Variants in PTPRD observed in about 807,000 individuals in gnomAD.
The protein encoded by PTPRD is protein tyrosine phosphatase receptor type D.
PTPRD carries 34 observed loss-of-function variants against 214.5 expected under a neutral mutation model. The ratio of observed to expected loss-of-function variants is 0.16; its 90% CI spans 0.12 to 0.21. The LOEUF is 0.21. PTPRD is among the 10% of genes least tolerant of loss of function. The probability of loss-of-function intolerance (pLI) is 1.00; values close to 1 mark genes in which losing one functional copy is unlikely to be tolerated. For missense variants in PTPRD, 2,545 were observed against 2,398.7 expected (o/e 1.06, Z -1.27); for synonymous variants, 1,128 against 845.7 (o/e 1.33, Z -5.79).
At chr9:8,953,683 C>T (rs1247881064) in intron 11 of PTPRD, among the ~76,000 whole-genome samples, 2 of 151,842 alleles carry the variant, frequency 1.3e-5, no homozygotes, top group Non-Finnish European at 2.9e-5. Flanking sequence ...AAAATATAGG[C>T]AAAAGATATG....
chr9:9,811,785 C>T (rs978364748), intron 5 of PTPRD, among the ~76,000 whole-genome samples: 1 of 152,072 alleles, frequency 6.6e-6, no homozygotes, highest in Non-Finnish European at 1.5e-5. Flanking sequence ...GAAATGACAA[C>T]AAAATATTAG....
intron 2 of PTPRD, among the ~76,000 whole-genome samples, chr9:10,372,236 C>T (rs564757822): frequency 9.2e-5 from 14 of 152,184 alleles, no homozygotes; most frequent in South Asian, 8.3e-4. Flanking sequence ...TAGATTTCCA[C>T]GTATACTTAG....
intron 8 of PTPRD, among the ~76,000 whole-genome samples, chr9:9,400,876 A>T (rs571193767): frequency 6.6e-6 from 1 of 152,192 alleles, no homozygotes; most frequent in African/African-American, 2.4e-5. Flanking sequence ...TAACCTTTAG[A>T]ATTACCCATC....
intron 5 of PTPRD, among the ~76,000 whole-genome samples, chr9:9,897,019 G>A (rs1296866201): frequency 2.0e-5 from 3 of 151,928 alleles, no homozygotes; most frequent in Non-Finnish European, 4.4e-5. Flanking sequence ...GGTATTTTCA[G>A]GAGAACAATG....
intron 3 of PTPRD, among the ~76,000 whole-genome samples, chr9:10,250,209 A>T (rs12237243): frequency 0.58 from 87,678 of 152,052 alleles, 27,281 homozygotes; most frequent in East Asian, 0.73. Context: ...GAAGAATCTG[A>T]TAAAAGTGAC....
At chr9:8,924,936 G>C (rs563564474) in intron 11 of PTPRD, among the ~76,000 whole-genome samples, 1 of 152,246 alleles carries the variant, frequency 6.6e-6, no homozygotes, top group Admixed American at 6.5e-5. Flanking sequence ...GTTGCCATTT[G>C]CTTATGCTGC....
intron 35 of PTPRD, among the ~76,000 whole-genome samples, chr9:8,408,507 A>C (rs1019765309): frequency 6.6e-6 from 1 of 152,128 alleles, no homozygotes; most frequent in African/African-American, 2.4e-5. Flanking sequence ...GTTGTGGAGA[A>C]TTTTGCAAGT....
At chr9:9,956,498 T>A (rs904981227) in intron 4 of PTPRD, among the ~76,000 whole-genome samples, 1 of 152,140 alleles carries the variant, frequency 6.6e-6, no homozygotes, top group African/African-American at 2.4e-5. Flanking sequence ...GTGGATTATG[T>A]TTCAAGTGGA....
At chr9:9,694,485 C>CA (rs1321421974) in intron 7 of PTPRD, among the ~76,000 whole-genome samples, 3 of 152,026 alleles carry the variant, frequency 2.0e-5, no homozygotes, top group African/African-American at 7.2e-5. Flanking sequence ...GCCACCACCA[C>CA]CAGGACTGTG....
At chr9:9,464,202 A>G (rs569859776) in intron 8 of PTPRD, among the ~76,000 whole-genome samples, 62 of 152,230 alleles carry the variant, frequency 4.1e-4, no homozygotes, top group African/African-American at 1.3e-3. Flanking sequence ...TGGGACCTAG[A>G]CTGAACTCTG....
intron 14 of PTPRD, among the ~76,000 whole-genome samples, chr9:8,617,457 C>G (rs1204845840): frequency 6.6e-6 from 1 of 152,060 alleles, no homozygotes; most frequent in African/African-American, 2.4e-5. Flanking sequence ...TATTCCTATT[C>G]CTGATTACTA....
chr9:10,065,141 T>TAGAG (rs2097851360), intron 3 of PTPRD, among the ~76,000 whole-genome samples: 4 of 106,730 alleles, frequency 3.7e-5, no homozygotes, highest in Non-Finnish European at 7.7e-5. Context: ...TGACTTGGAT[T>TAGAG]AGAAAGAAAG....
At chr9:8,788,903 C>G (rs1204177515) in intron 11 of PTPRD, among the ~76,000 whole-genome samples, 1 of 151,834 alleles carries the variant, frequency 6.6e-6, no homozygotes, top group Non-Finnish European at 1.5e-5. Context: ...TTATGATGTT[C>G]TTATATCACC....
chr9:9,167,698 T>C (rs978939970), intron 10 of PTPRD, among the ~76,000 whole-genome samples: 3 of 152,048 alleles, frequency 2.0e-5, no homozygotes, highest in Admixed American at 6.6e-5. Context: ...GAGGTTGTGG[T>C]GAGCCGAGAT....
intron 2 of PTPRD, among the ~76,000 whole-genome samples, chr9:10,433,306 G>A (rs1161976338): frequency 6.6e-6 from 1 of 151,746 alleles, no homozygotes; most frequent in African/African-American, 2.4e-5. Context: ...TGAGATACAC[G>A]CTGTCATCTA....
rs1021318370 is a variant in PTPRD, at chr9:8,316,388, A to T, written c.*1486T>A. ...AAACCAAAACGAAACAAAGTACAGC[A>T]CTTCCCAGGAATGCTGTATGCCACA... On this transcript the variant is annotated 3_prime_UTR_variant, in exon 46 of 46. Transcript: ENST00000381196. 4 of 231,522 alleles carry T rather than the reference A, an allele frequency of 1.7e-5. No individual in the cohort carries two copies. Among genetic ancestry groups the T allele is most frequent in the African/African-American group, 8.8e-5 (4 of 45,202 alleles). The allele number at this position is 231,522 out of a possible 1,614,324, so 14.3% of individuals were successfully genotyped here.
chr9:9,430,542 G>GA (rs1157255912), intron 8 of PTPRD, among the ~76,000 whole-genome samples: 3 of 151,934 alleles, frequency 2.0e-5, no homozygotes, highest in Admixed American at 1.3e-4. Context: ...CACAGAATTG[G>GA]AAAAAAACTA....
intron 6 of PTPRD, among the ~76,000 whole-genome samples, chr9:9,736,337 G>T (rs1194670838): frequency 6.6e-6 from 1 of 151,946 alleles, no homozygotes; most frequent in Non-Finnish European, 1.5e-5. Flanking sequence ...TTATTTATGA[G>T]ATTCATTCAT....
chr9:9,564,884 GTTTTTTTTTTTTTT>G (rs1191664969), intron 8 of PTPRD, among the ~76,000 whole-genome samples: 2 of 48,842 alleles, frequency 4.1e-5, no homozygotes, highest in Non-Finnish European at 7.6e-5. Flanking sequence ...TGAATCTTCT[GTTTTTTTTTTTTTT>G]TTTTTTTTTT....
Sources: gnomAD v4.1 joint callset for allele counts (sites outside exome capture counted in the v4.1 genomes callset) on GRCh38, gnomAD v4.1.1 for gene constraint, MANE v1.5 for transcripts, NCBI Gene and HGNC (gene_info 2026-07-23, HGNC 2026-07-21) for gene names.